Variants in CDC25C observed in about 807,000 individuals in gnomAD.
CDC25C encodes the protein M-phase inducer phosphatase 3.
A neutral mutation model predicts 52.5 loss-of-function variants in CDC25C; 48 were observed. That is an observed-to-expected ratio of 0.91 (90% CI 0.72 to 1.16). CDC25C has a LOEUF of 1.16. Among genes scored for constraint, CDC25C ranks in the 50% most tolerant of loss-of-function variants. The pLI, the probability that CDC25C is intolerant of heterozygous loss-of-function variation, is 0.00. For missense variants in CDC25C, 510 were observed against 566.1 expected (o/e 0.90, Z 1.01); for synonymous variants, 187 against 206.5 (o/e 0.91, Z 0.81).
intron 7 of CDC25C, among the ~76,000 whole-genome samples, chr5:138,298,095 C>T (rs755498061): frequency 6.6e-6 from 1 of 151,410 alleles, no homozygotes; most frequent in Non-Finnish European, 1.5e-5. Context: ...ACATCCCAGG[C>T]TCAAGTGATC....
chr5:138,310,801 C>T (rs931500852), intron 7 of CDC25C, among the ~76,000 whole-genome samples: 3 of 152,218 alleles, frequency 2.0e-5, no homozygotes, highest in Admixed American at 6.5e-5. Flanking sequence ...ACTTTTCCCA[C>T]TGAGCCCTTT....
chr5:138,325,915 G>C lies in CDC25C; in HGVS notation c.370-11C>G, dbSNP rs764282449. ...ACAAAGAAGCTGTGCCTAAAAAAGAGAGTTTGCTGAGAACGTCCAGCATCC... is the reference window on the plus strand; with the variant it reads ...ACAAAGAAGCTGTGCCTAAAAAAGACAGTTTGCTGAGAACGTCCAGCATCC... On this transcript the variant is annotated splice_polypyrimidine_tract_variant and intron_variant, in intron 5 of 13. Transcript: ENST00000323760. The C allele has an allele frequency of 1.1e-5, 17 of 1,613,678 alleles. No individual in the cohort carries two copies. In the Middle Eastern group the frequency reaches 6.6e-4, roughly 62 times the overall value.
chr5:138,285,902 T>C (rs1345603916), intron 13 of CDC25C, 61 bp from the exon 14 acceptor site: 1 of 1,581,826 alleles, frequency 6.3e-7, no homozygotes, highest in Non-Finnish European at 8.7e-7. Context: ...CTATGAAGGA[T>C]AATAGAGATG....
At chr5:138,308,026 A>G (rs1758158993) in intron 7 of CDC25C, among the ~76,000 whole-genome samples, 2 of 151,912 alleles carry the variant, frequency 1.3e-5, no homozygotes, top group East Asian at 1.9e-4. Context: ...TTTGCCTCCT[A>G]TGAGAATCTA....
chr5:138,317,041 C>T (rs979310484), intron 7 of CDC25C, among the ~76,000 whole-genome samples: 2 of 152,096 alleles, frequency 1.3e-5, no homozygotes, highest in Non-Finnish European at 2.9e-5. Flanking sequence ...ATTGCTGGAG[C>T]GCAGGAGTTC....
intron 7 of CDC25C, among the ~76,000 whole-genome samples, chr5:138,310,976 A>G (rs1157304759): frequency 6.6e-6 from 1 of 152,256 alleles, no homozygotes; most frequent in Admixed American, 6.5e-5. Context: ...GCACTGGCAT[A>G]AAGACAGACA....
chr5:138,334,240 AAG>A (rs1760577322), upstream of CDC25C, among the ~76,000 whole-genome samples: 1 of 151,874 alleles, frequency 6.6e-6, no homozygotes, highest in Non-Finnish European at 1.5e-5. Context: ...GGCCGCCCTT[AAG>A]ACTTTTTACA....
intron 7 of CDC25C, among the ~76,000 whole-genome samples, chr5:138,313,716 G>T (rs1249956826): frequency 6.6e-6 from 1 of 152,026 alleles, no homozygotes; most frequent in East Asian, 1.9e-4. Context: ...AGAGTCATTA[G>T]CTTCCATTTT....
At chr5:138,331,911 C>T (rs1284572324), upstream of CDC25C, 13 of 985,578 alleles carry the variant, frequency 1.3e-5, no homozygotes, top group African/African-American at 1.7e-5. Context: ...CGCCCAGGGC[C>T]TCATGGCCTA....
At chr5:138,296,906 C>CTTTT (rs1300029259) in intron 7 of CDC25C, among the ~76,000 whole-genome samples, 2 of 80,166 alleles carry the variant, frequency 2.5e-5, no homozygotes, top group Non-Finnish European at 4.7e-5. Context: ...CGCCCGGCCA[C>CTTTT]TTTTTTTTTT....
chr5:138,338,306 C>T lies in CDC25C; in HGVS notation c.-338G>A, dbSNP rs567221151. 239 of 588,544 alleles carry T rather than the reference C, an allele frequency of 4.1e-4. 2 individuals are homozygous for T. The highest frequency in any genetic ancestry group is 2.8e-3 in the South Asian group (189 of 66,718). 36.5% of individuals were successfully genotyped at this position (588,544 alleles called of 1,614,324 possible). A position where few individuals can be genotyped will look rare whatever the true frequency, so the allele number is the denominator to read the frequency against. ...GCGGCCCTGGGAGCTGGAGGAACCG[C>T]GGTAGGTGGTGGAGGGCAGGTGGCG... On this transcript the variant is annotated 5_prime_UTR_variant, in exon 1 of 6. Transcript: ENST00000510119.
intron 7 of CDC25C, among the ~76,000 whole-genome samples, chr5:138,297,468 T>C (rs1259913112): frequency 6.6e-6 from 1 of 152,184 alleles, no homozygotes; most frequent in Non-Finnish European, 1.5e-5. Context: ...TTAGGCCTCC[T>C]TACCTATCAA....
chr5:138,306,849 T>A (rs1758043966), intron 7 of CDC25C, among the ~76,000 whole-genome samples: 1 of 151,550 alleles, frequency 6.6e-6, no homozygotes, highest in African/African-American at 2.4e-5. Context: ...CTTTTCTTTT[T>A]TTTTTCCTTT....
chr5:138,299,010 T>G (rs1247663337), intron 7 of CDC25C, among the ~76,000 whole-genome samples: 57 of 131,662 alleles, frequency 4.3e-4, no homozygotes, highest in Middle Eastern at 6.2e-3. Flanking sequence ...CTGGCCATCA[T>G]GGTGAAACCC....
At chr5:138,326,352 A>T (rs1364378581) in intron 4 of CDC25C, among the ~76,000 whole-genome samples, 1 of 147,316 alleles carries the variant, frequency 6.8e-6, no homozygotes, top group African/African-American at 2.5e-5. Flanking sequence ...ATTGGGGCTA[A>T]TTTTTTTTTT....
chr5:138,330,912 A>T (rs1760319703), intron 2 of CDC25C, 75 bp downstream of exon 2: 7 of 1,093,846 alleles, frequency 6.4e-6, no homozygotes, highest in Non-Finnish European at 8.3e-6. Context: ...GGATAATTGA[A>T]AACAAACCAA....
rs1360508149 is a variant in CDC25C, at chr5:138,322,514, C to T, written c.460-3140G>A. On this transcript the variant is annotated intron_variant, in intron 6 of 13. Coordinates refer to ENST00000323760, the MANE Select transcript of CDC25C (RefSeq NM_001790.5). ...TTTTTGAGATGGAGTCTCGCTCTGT[C>T]GCCCAGACTGGAGTACAGTGGCACG... Among the ~76,000 whole-genome samples, 4 of 112,720 alleles carry T rather than the reference C, an allele frequency of 3.5e-5. No homozygotes were observed. The South Asian group carries it at 9.4e-4, about 27-fold the overall frequency. The allele number at this position is 112,720 out of a possible 152,430, so 73.9% of individuals were successfully genotyped here.
rs1757329752 is a variant in CDC25C at position 138,297,858 on chromosome 5, CAT to C, written c.616-5744_616-5743del. Among the ~76,000 whole-genome samples the C allele has an allele frequency of 2.6e-5, 4 of 152,118 alleles. No homozygotes were observed. The South Asian group carries it at 8.3e-4, about 31-fold the overall frequency. On this transcript the variant is annotated intron_variant, in intron 7 of 13. Coordinates refer to ENST00000323760, the MANE Select transcript of CDC25C (RefSeq NM_001790.5). ...TCTGTCAGGAAAGGTCCTTATAAGACATATGCACAGAGACTGAAATGAGGAAG... is the reference window on the plus strand; with the variant it reads ...TCTGTCAGGAAAGGTCCTTATAAGACATGCACAGAGACTGAAATGAGGAAG...
intron 5 of CDC25C, 53 bp from the exon 6 acceptor site, chr5:138,325,957 A>G: frequency 1.9e-6 from 3 of 1,610,552 alleles, no homozygotes; most frequent in Non-Finnish European, 2.5e-6. Context: ...CACAGGTGCA[A>G]TGGAAACCCT....
Sources: allele counts gnomAD v4.1 joint callset (sites outside exome capture counted in the v4.1 genomes callset), GRCh38; gene constraint gnomAD v4.1.1; transcripts MANE v1.5; gene names NCBI Gene and HGNC (gene_info 2026-07-23, HGNC 2026-07-21).